The following SIK2 variants were observed in gnomAD, a reference collection of about 807,000 sequenced individuals.
SIK2 encodes salt inducible kinase 2.
Under a neutral mutation model 103.2 loss-of-function variants are expected in SIK2, and 29 were observed. The observed-to-expected ratio is 0.28, with a 90% CI of 0.21 to 0.38. The LOEUF (loss-of-function observed/expected upper bound fraction) is 0.38. SIK2 is among the 10% of genes least tolerant of loss of function. SIK2 has a pLI of 1.00. For synonymous variants in SIK2, 412 were observed against 446.1 expected (o/e 0.92, Z 0.96); for missense variants, 879 against 1,171.0 (o/e 0.75, Z 3.64).
At chr11:111,611,533 AG>A (rs1025157296) in intron 1 of SIK2, among the ~76,000 whole-genome samples, 124 of 152,250 alleles carry the variant, frequency 8.1e-4, no homozygotes, top group Admixed American at 2.7e-3. Context: ...TATTTCCCTG[AG>A]TATTTTGAAG....
chr11:111,632,481 C>T (rs1184371248), intron 3 of SIK2, among the ~76,000 whole-genome samples: 1 of 152,070 alleles, frequency 6.6e-6, no homozygotes, highest in Non-Finnish European at 1.5e-5. Context: ...GAACTCTTAC[C>T]ATATATCAGG....
intron 3 of SIK2, among the ~76,000 whole-genome samples, chr11:111,656,264 G>A (rs977024081): frequency 1.3e-5 from 2 of 152,072 alleles, no homozygotes; most frequent in African/African-American, 4.8e-5. Context: ...CAAAACAGTG[G>A]ACCAAGATAG....
At chr11:111,667,093 G>A (rs1178743693) in intron 3 of SIK2, among the ~76,000 whole-genome samples, 4 of 151,594 alleles carry the variant, frequency 2.6e-5, no homozygotes, top group African/African-American at 7.3e-5. Context: ...TCAGCCTCCC[G>A]AGTAGCTGGG....
In SIK2 at chr11:111,723,976, C is replaced by G; in HGVS notation, c.2628C>G (p.Asp876Glu). Reference protein sequence around the residue: ...QYPVDGAQQSDLTGPDCPRSP... With the variant: ...QYPVDGAQQSELTGPDCPRSP... ...CTGTGGATGGAGCCCAGCAGAGCGA[C>G]CTAACGGGGCCAGACTGTCCCAGAA... The change falls in exon 15 of 15, where the codon GAC becomes GAG. Residue 876 changes from aspartate to glutamate, a missense_variant. Physicochemically the swap from Asp to Glu is conservative, Grantham distance 45. Coordinates refer to ENST00000304987, the MANE Select transcript of SIK2 (RefSeq NM_015191.3). 6.2e-7 allele frequency: 1 copy of G among 1,614,178 alleles called. No individual in the cohort carries two copies. Among genetic ancestry groups the G allele is most frequent in the Non-Finnish European group, 8.5e-7 (1 of 1,180,014 alleles).
intron 3 of SIK2, among the ~76,000 whole-genome samples, chr11:111,642,607 G>A (rs1278789488): frequency 6.6e-6 from 1 of 152,076 alleles, no homozygotes; most frequent in East Asian, 1.9e-4. Flanking sequence ...TATTTATGGA[G>A]GTCTCATTAC....
intron 8 of SIK2, among the ~76,000 whole-genome samples, chr11:111,711,542 ATAGCTTGCAGTAAGCG>A (rs369504849): frequency 3.1e-4 from 47 of 152,370 alleles, no homozygotes; most frequent in African/African-American, 1.1e-3. Context: ...CTTCAAAAAC[ATAGCTTGCAGTAAGCG>A]TAGCTTGCAG....
chr11:111,640,264 T>C (rs1220119715), intron 3 of SIK2, among the ~76,000 whole-genome samples: 1 of 152,236 alleles, frequency 6.6e-6, no homozygotes, highest in Non-Finnish European at 1.5e-5. Flanking sequence ...TTTGTTCTTG[T>C]GTGACTGTTA....
intron 3 of SIK2, among the ~76,000 whole-genome samples, chr11:111,654,099 TA>T (rs2135865699): frequency 6.6e-6 from 1 of 152,334 alleles, no homozygotes; most frequent in African/African-American, 2.4e-5. Flanking sequence ...TGTTAGTAAA[TA>T]TTTTTCTGCT....
At position 111,637,455 on chromosome 11, in the gene SIK2, T is replaced by C. The variant is rs1591596702; in HGVS notation, c.316+17053T>C. On this transcript the variant is annotated intron_variant, in intron 3 of 14. Coordinates refer to ENST00000304987, the MANE Select transcript of SIK2 (RefSeq NM_015191.3). ...TATCTTATCTGATCATTTTGTAATA[T>C]CTTTTTTTTTTTTTTTTTTTTTGAG... Among the ~76,000 whole-genome samples the C allele has an allele frequency of 2.0e-5, 3 of 148,596 alleles. No individual in the cohort carries two copies. In the South Asian group the frequency reaches 6.3e-4, roughly 31 times the overall value.
chr11:111,602,796 C>T lies in SIK2; in HGVS notation c.135+98C>T. 3 of 1,379,510 alleles carry T rather than the reference C, an allele frequency of 2.2e-6. No individual in the cohort carries two copies. Among genetic ancestry groups the T allele is most frequent in the African/African-American group, 1.5e-5 (1 of 65,464 alleles). The allele number at this position is 1,379,510 out of a possible 1,614,324, so 85.5% of individuals were successfully genotyped here. ...CCGCAGTGGTGGGACCGGGGAGACCCGAGAGGCCGCCTCACTGGCGGAGGC... is the reference window on the plus strand; with the variant it reads ...CCGCAGTGGTGGGACCGGGGAGACCTGAGAGGCCGCCTCACTGGCGGAGGC... On this transcript the variant is annotated intron_variant, in intron 1 of 14. Coordinates refer to ENST00000304987, the MANE Select transcript of SIK2 (RefSeq NM_015191.3). This position sits in a 1 kb window ranked among gnomAD's most constrained non-coding sequence, Gnocchi z 4.5.
intron 9 of SIK2, among the ~76,000 whole-genome samples, chr11:111,714,728 C>T (rs941971245): frequency 1.3e-5 from 2 of 152,142 alleles, no homozygotes; most frequent in Admixed American, 1.3e-4. Flanking sequence ...TTCAGCCAAG[C>T]GTAGCCCACA....
At chr11:111,708,239 G>A (rs987627371) in intron 8 of SIK2, among the ~76,000 whole-genome samples, 2 of 152,014 alleles carry the variant, frequency 1.3e-5, no homozygotes, top group African/African-American at 2.4e-5. Context: ...AAAATTAGCC[G>A]GTTATGGTAG....
chr11:111,721,583 C>T (rs1197039887), intron 12 of SIK2, among the ~76,000 whole-genome samples: 1 of 152,186 alleles, frequency 6.6e-6, no homozygotes, highest in East Asian at 1.9e-4. Flanking sequence ...AGGCCATAGC[C>T]TCCTGGTGAC....
chr11:111,704,849 G>C, intron 7 of SIK2, 138 bp from the exon 8 acceptor site: 1 of 953,524 alleles, frequency 1.0e-6, no homozygotes. Flanking sequence ...TTTTGGAGCA[G>C]CTTTCATCTT....
chr11:111,660,817 A>C (rs529282856), intron 3 of SIK2, among the ~76,000 whole-genome samples: 1 of 146,040 alleles, frequency 6.8e-6, no homozygotes, highest in South Asian at 2.2e-4. Context: ...TAATGGATTT[A>C]ATATCCAAGC....
chr11:111,615,406 A>C (rs1941792291), intron 1 of SIK2, among the ~76,000 whole-genome samples: 2 of 152,144 alleles, frequency 1.3e-5, no homozygotes, highest in African/African-American at 4.8e-5. Flanking sequence ...AAAACTGATA[A>C]TTAAATTGGG....
intron 1 of SIK2, among the ~76,000 whole-genome samples, chr11:111,611,414 CTACT>C (rs886414714): frequency 6.6e-6 from 1 of 152,028 alleles, no homozygotes; most frequent in African/African-American, 2.4e-5. Context: ...TTTTATATTC[CTACT>C]AACTATCTGA....
At chr11:111,634,213 T>G (rs1279545719) in intron 3 of SIK2, among the ~76,000 whole-genome samples, 1 of 152,120 alleles carries the variant, frequency 6.6e-6, no homozygotes, top group African/African-American at 2.4e-5. Flanking sequence ...TCTCTTTCAG[T>G]GGTAACATAC....
At chr11:111,655,445 C>T (rs1185248692) in intron 3 of SIK2, among the ~76,000 whole-genome samples, 2 of 152,194 alleles carry the variant, frequency 1.3e-5, no homozygotes, top group Non-Finnish European at 2.9e-5. Flanking sequence ...CTTTGTTTGC[C>T]TTATTTACCA....
Sources: gnomAD v4.1 joint callset for allele counts (sites outside exome capture counted in the v4.1 genomes callset) on GRCh38, gnomAD v4.1.1 for gene constraint, Gnocchi (gnomAD v3.1) non-coding constraint, MANE v1.5 for transcripts, NCBI Gene and HGNC (gene_info 2026-07-23, HGNC 2026-07-21) for gene names.